The following SAA2 variants were observed in gnomAD, a reference collection of about 807,000 sequenced individuals.
SAA2 encodes the protein serum amyloid A2.
SAA2 carries 5 observed loss-of-function variants against 9.1 expected under a neutral mutation model. The ratio of observed to expected loss-of-function variants is 0.55; its 90% CI spans 0.29 to 1.16. The LOEUF is 1.16. Ranked by LOEUF, SAA2 falls within the 50% of genes most tolerant of loss-of-function variation. The pLI, the probability that SAA2 is intolerant of heterozygous loss-of-function variation, is 0.09. For missense variants in SAA2, 94 were observed against 153.8 expected, an observed-to-expected ratio of 0.61 and a Z score of 2.06; for synonymous variants, 49 against 59.8, an observed-to-expected ratio of 0.82 and a Z score of 0.83.
At chr11:18,241,005 T>C (rs1320708470), downstream of SAA2, among the ~76,000 whole-genome samples, 1 of 151,876 alleles carries the variant, frequency 6.6e-6, no homozygotes, top group Non-Finnish European at 1.5e-5. Context: ...TACAAGGAAC[T>C]CAGACAACAA....
downstream of SAA2, chr11:18,240,270 A>G (rs1387394373): frequency 2.8e-6 from 2 of 702,714 alleles, no homozygotes; most frequent in South Asian, 3.0e-5. Context: ...TTGTGGTTGT[A>G]TTCCTCAGTC....
At position 18,239,942 on chromosome 11, in the gene SAA2, C is replaced by A. The variant is rs747820670; in HGVS notation, c.*6G>T. 3.4e-5 allele frequency: 52 copies of A among 1,550,262 alleles called. No individual in the cohort carries two copies. The South Asian group carries it at 6.0e-4, about 18-fold the overall frequency. On this transcript the variant is annotated 3_prime_UTR_variant, in exon 4 of 4. Coordinates refer to the SAA2 transcript ENST00000414546. ...AGTGAAGAAAAAAGGCTTCTTCCTTCACTCTCTACAGTTCAGCTGAAAATA... is the reference window on the plus strand; with the variant it reads ...AGTGAAGAAAAAAGGCTTCTTCCTTAACTCTCTACAGTTCAGCTGAAAATA...
exon 4 of SAA2, chr11:18,239,845 G>A: frequency 6.9e-7 from 1 of 1,442,940 alleles, no homozygotes; most frequent in Non-Finnish European, 9.3e-7. Flanking sequence ...GGTTCCAAAG[G>A]CCATGGTCTT....
downstream of SAA2, among the ~76,000 whole-genome samples, chr11:18,244,446 C>T (rs1254947070): frequency 6.6e-6 from 1 of 152,214 alleles, no homozygotes; most frequent in African/African-American, 2.4e-5. Flanking sequence ...GCTTGAAGGA[C>T]CCAGTAAACT....
downstream of SAA2, chr11:18,245,081 G>A (rs1480478763): frequency 5.5e-5 from 22 of 396,910 alleles, no homozygotes; most frequent in Admixed American, 7.1e-4. Flanking sequence ...TTTGTGGAAG[G>A]GTTGATGCAG....
chr11:18,247,068 T>C (rs1393948530), intron 2 of SAA2, among the ~76,000 whole-genome samples: 1 of 152,272 alleles, frequency 6.6e-6, no homozygotes, highest in Admixed American at 6.5e-5. Context: ...TGACTGGCAG[T>C]AAGTCCCTGG....
chr11:18,246,747 G>T (rs1224698493), intron 2 of SAA2, among the ~76,000 whole-genome samples: 1 of 151,908 alleles, frequency 6.6e-6, no homozygotes, highest in Non-Finnish European at 1.5e-5. Flanking sequence ...TGGCCAGGCT[G>T]CTCCGGAACT....
At chr11:18,242,192 G>T (rs889240877), downstream of SAA2, 8 of 152,222 alleles carry the variant, frequency 5.3e-5, no homozygotes, top group African/African-American at 1.7e-4. Flanking sequence ...GATAATTGGG[G>T]CTGAGAAGTC....
downstream of SAA2, among the ~76,000 whole-genome samples, chr11:18,244,303 T>C (rs1857436581): frequency 6.6e-6 from 1 of 152,168 alleles, no homozygotes; most frequent in African/African-American, 2.4e-5. Context: ...TGATAACCTA[T>C]CTCCTGCCCC....
At chr11:18,242,875 A>T (rs1857389197), downstream of SAA2, 2 of 695,808 alleles carry the variant, frequency 2.9e-6, no homozygotes, top group South Asian at 3.0e-5. Flanking sequence ...AAACACAACT[A>T]TAACAAAGAG....
intron 3 of SAA2, 144 bp from the exon 4 acceptor site, chr11:18,245,659 T>C: frequency 7.2e-7 from 1 of 1,388,210 alleles, no homozygotes; most frequent in South Asian, 1.4e-5. Flanking sequence ...TGACCCTGCC[T>C]GGGCACTGCC....
In SAA2 at chr11:18,247,128, G is replaced by T. The variant is rs1339521309; in HGVS notation, c.91+793C>A. Among the ~76,000 whole-genome samples, 4 of 152,342 alleles carry T rather than the reference G, an allele frequency of 2.6e-5. No individual in the cohort carries two copies. The East Asian group carries it at 7.7e-4, about 29-fold the overall frequency. On this transcript the variant is annotated intron_variant, in intron 2 of 3. Transcript: ENST00000256733. ...CTCAGCTTTCTCACCTTCACAGAAG[G>T]GATGCCTGCCTCACAGAGTCATTCT...
Position 18,245,283 on chromosome 11 carries a change from TCTC to T in SAA2, c.*91_*93del. On this transcript the variant is annotated 3_prime_UTR_variant, in exon 4 of 4. Transcript: ENST00000256733. ...TATTAGATGCCTATTATATGCCATA[TCTC>T]AGCTTCTCTGGACATAGACCTCACT... 1 of 1,563,362 alleles carries T rather than the reference TCTC, an allele frequency of 6.4e-7. No homozygotes were observed. Among genetic ancestry groups the T allele is most frequent in the Non-Finnish European group, 8.7e-7 (1 of 1,153,786 alleles).
chr11:18,245,187 T>G, downstream of SAA2: 1 of 1,364,756 alleles, frequency 7.3e-7, no homozygotes, highest in South Asian at 1.5e-5. Context: ...TGATTTCCCT[T>G]TTGTACCAAA....
At chr11:18,239,032 C>T (rs1857270800), downstream of SAA2, among the ~76,000 whole-genome samples, 1 of 152,116 alleles carries the variant, frequency 6.6e-6, no homozygotes, top group South Asian at 2.1e-4. Flanking sequence ...ATGGATTCAC[C>T]AGATAATGTT....
At position 18,246,734 on chromosome 11, in the gene SAA2, T is replaced by C. The variant is rs1857562593; in HGVS notation, c.92-686A>G. Among the ~76,000 whole-genome samples the C allele has an allele frequency of 2.6e-5, 4 of 151,902 alleles. No homozygotes were observed. In the South Asian group the frequency reaches 8.3e-4, roughly 31 times the overall value. On this transcript the variant is annotated intron_variant, in intron 2 of 3. Coordinates refer to ENST00000256733, the MANE Select transcript of SAA2 (RefSeq NM_030754.5). ...TTTTAGTAGACACAGGGTTTCACCA[T>C]GTTGGCCAGGCTGCTCCGGAACTCA... is the stretch of plus-strand genomic sequence containing the variant.
At chr11:18,242,862 A>G, downstream of SAA2, 1 of 699,964 alleles carries the variant, frequency 1.4e-6, no homozygotes, top group Non-Finnish European at 2.6e-6. Flanking sequence ...ACGAAACAAA[A>G]CAAAACACAA....
downstream of SAA2, chr11:18,242,682 C>CA (rs1359520369): frequency 3.0e-6 from 2 of 662,730 alleles, no homozygotes; most frequent in Non-Finnish European, 5.5e-6. Context: ...CCCATCTCTA[C>CA]AAAAAATATA....
chr11:18,243,457 T>TG (rs1308620306), downstream of SAA2, among the ~76,000 whole-genome samples: 1 of 152,198 alleles, frequency 6.6e-6, no homozygotes, highest in Non-Finnish European at 1.5e-5. Flanking sequence ...TTTTACAACT[T>TG]GGGGTCAACT....
Sources: gnomAD v4.1 joint callset for allele counts (sites outside exome capture counted in the v4.1 genomes callset) on GRCh38, gnomAD v4.1.1 for gene constraint, MANE v1.5 for transcripts, NCBI Gene and HGNC (gene_info 2026-07-23, HGNC 2026-07-21) for gene names.